PTPRN2: variants seen among roughly 807,000 people sequenced by gnomAD.
The protein encoded by PTPRN2 is protein tyrosine phosphatase receptor type N2, also known as receptor-type tyrosine-protein phosphatase N2.
In PTPRN2, 74 loss-of-function variants were observed where a neutral mutation model predicts 118.8. The observed-to-expected ratio is 0.62, with a 90% CI of 0.52 to 0.76. The LOEUF (loss-of-function observed/expected upper bound fraction) is 0.76. Among genes scored for constraint, PTPRN2 ranks in the 30% least tolerant of loss-of-function variants. The pLI, the probability that PTPRN2 is intolerant of heterozygous loss-of-function variation, is 0.00. For missense variants in PTPRN2, 1,481 were observed against 1,394.4 expected (o/e 1.06, Z -0.99); for synonymous variants, 641 against 608.0 (o/e 1.05, Z -0.80).
intron 3 of PTPRN2, among the ~76,000 whole-genome samples, chr7:158,299,440 G>C (rs1350898979): frequency 2.0e-5 from 3 of 152,008 alleles, no homozygotes; most frequent in Non-Finnish European, 4.4e-5. Context: ...TGGGACTACA[G>C]GTGCATGCCA....
chr7:157,690,579 G>A lies in PTPRN2; in HGVS notation c.1789-7642C>T, dbSNP rs1274146334. On this transcript the variant is annotated intron_variant, in intron 12 of 22. Coordinates refer to ENST00000389418, the MANE Select transcript of PTPRN2 (RefSeq NM_002847.5). This position sits in a 1 kb window ranked among gnomAD's most constrained non-coding sequence, Gnocchi z 7.1. ...GCAGCTGGGCCGGCGCCCAGCGCCCGCGCGGGAGGAGGTGGGGGCGTGCGC... is the reference window on the plus strand; with the variant it reads ...GCAGCTGGGCCGGCGCCCAGCGCCCACGCGGGAGGAGGTGGGGGCGTGCGC... Among the ~76,000 whole-genome samples, 3 of 151,700 alleles carry A rather than the reference G, an allele frequency of 2.0e-5. No individual in the cohort carries two copies. Among genetic ancestry groups the A allele is most frequent in the East Asian group, 2.0e-4 (1 of 5,086 alleles).
intron 11 of PTPRN2, among the ~76,000 whole-genome samples, chr7:158,062,342 G>A (rs977633139): frequency 1.3e-5 from 2 of 152,262 alleles, no homozygotes; most frequent in Non-Finnish European, 2.9e-5. Flanking sequence ...TACAGTCAGT[G>A]CACATGTGTG....
rs1208079961 is a variant in PTPRN2, at chr7:157,787,001, T to G, written c.1789-104064A>C. ...GGAAGCCACTGAGCCTGGGACAGCTTGAGGGGCAGGAGGCGGACACAGGTG... is the reference window on the plus strand; with the variant it reads ...GGAAGCCACTGAGCCTGGGACAGCTGGAGGGGCAGGAGGCGGACACAGGTG... On this transcript the variant is annotated intron_variant, in intron 12 of 22. Coordinates refer to ENST00000389418, the MANE Select transcript of PTPRN2 (RefSeq NM_002847.5). The surrounding 1 kb of genome is among the most constrained non-coding windows in gnomAD (Gnocchi z 5.3). Among the ~76,000 whole-genome samples the G allele has an allele frequency of 6.6e-6, 1 of 151,336 alleles. No homozygotes were observed. Among genetic ancestry groups the G allele is most frequent in the African/African-American group, 2.4e-5 (1 of 41,190 alleles).
At chr7:158,281,409 A>G (rs1029323162) in intron 3 of PTPRN2, among the ~76,000 whole-genome samples, 1 of 152,252 alleles carries the variant, frequency 6.6e-6, no homozygotes, top group Non-Finnish European at 1.5e-5. Context: ...CCAGGAGTGC[A>G]TGCTTTGTGT....
chr7:157,873,413 T>G (rs1811237531), intron 12 of PTPRN2, among the ~76,000 whole-genome samples: 1 of 151,042 alleles, frequency 6.6e-6, no homozygotes, highest in Non-Finnish European at 1.5e-5. Flanking sequence ...CTCCGACGTG[T>G]GCCAAGGACA....
chr7:158,129,160 C>T (rs113964323), intron 9 of PTPRN2, among the ~76,000 whole-genome samples: 42,124 of 149,702 alleles, frequency 0.28, 6,524 homozygotes, highest in Middle Eastern at 0.44. Flanking sequence ...CACTACACAC[C>T]ACACACATAC....
intron 1 of PTPRN2, among the ~76,000 whole-genome samples, chr7:158,520,740 A>G (rs899235645): frequency 2.0e-5 from 3 of 152,224 alleles, no homozygotes; most frequent in Non-Finnish European, 4.4e-5. Context: ...AAACATACGA[A>G]GAACGATCGG....
At chr7:158,149,899 T>C (rs991325436) in intron 6 of PTPRN2, among the ~76,000 whole-genome samples, 1 of 151,400 alleles carries the variant, frequency 6.6e-6, no homozygotes, top group East Asian at 1.9e-4. Flanking sequence ...GAACAAAAAG[T>C]GGCAAGAATA....
intron 6 of PTPRN2, among the ~76,000 whole-genome samples, chr7:158,156,520 TC>T (rs1377260753): frequency 6.6e-6 from 1 of 152,192 alleles, no homozygotes; most frequent in Non-Finnish European, 1.5e-5. Flanking sequence ...TAAGCCGACA[TC>T]TGCAGAAACG....
At position 158,110,725 on chromosome 7, in the gene PTPRN2, CAT is replaced by C; in HGVS notation, c.1643+102_1643+103del. The C allele has an allele frequency of 7.4e-6, 8 of 1,074,636 alleles. 1 individual carries two copies. In the South Asian group the frequency reaches 1.1e-4, roughly 15 times the overall value. 66.6% of individuals were successfully genotyped at this position (1,074,636 alleles called of 1,614,324 possible). Reference sequence around the variant, plus strand: ...TTTCACTTCTCTAAACAGGTTCCCTCATGTAATTAACAAGAGCCATGGGCTCG... The same window carrying C: ...TTTCACTTCTCTAAACAGGTTCCCTCGTAATTAACAAGAGCCATGGGCTCG... On this transcript the variant is annotated intron_variant, in intron 10 of 22. Coordinates refer to ENST00000389418, the MANE Select transcript of PTPRN2 (RefSeq NM_002847.5).
At chr7:158,312,053 G>A (rs1056749209) in intron 3 of PTPRN2, among the ~76,000 whole-genome samples, 3 of 87,534 alleles carry the variant, frequency 3.4e-5, no homozygotes, top group Admixed American at 1.3e-4. Context: ...ATGCACACAC[G>A]TGCTCACATG....
chr7:157,590,112 T>G lies in PTPRN2; in HGVS notation c.2496+5126A>C, dbSNP rs1486108532. On this transcript the variant is annotated intron_variant, in intron 17 of 22. Coordinates refer to ENST00000389418, the MANE Select transcript of PTPRN2 (RefSeq NM_002847.5). The surrounding 1 kb of genome is among the most constrained non-coding windows in gnomAD (Gnocchi z 4.0). ...CCAGCAGAGAGGACGGTGGACATGT[T>G]TCTTCCTAAGATCTTGATATGACTT... is the stretch of plus-strand genomic sequence containing the variant. Among the ~76,000 whole-genome samples the G allele has an allele frequency of 6.6e-6, 1 of 152,252 alleles. No individual in the cohort carries two copies. The highest frequency in any genetic ancestry group is 1.9e-4 in the East Asian group (1 of 5,204).
intron 2 of PTPRN2, among the ~76,000 whole-genome samples, chr7:158,480,438 C>A (rs987348890): frequency 2.0e-5 from 3 of 152,134 alleles, no homozygotes; most frequent in African/African-American, 7.2e-5. Flanking sequence ...CCCTGAGACA[C>A]AACAATATTG....
chr7:157,733,030 C>T (rs375145868), intron 12 of PTPRN2, among the ~76,000 whole-genome samples: 2 of 30,998 alleles, frequency 6.5e-5, no homozygotes, highest in Admixed American at 3.0e-4. Flanking sequence ...TCCCGTCCCA[C>T]GCGCCCAGCA....
At chr7:158,219,997 A>G (rs760062847) in intron 3 of PTPRN2, among the ~76,000 whole-genome samples, 1 of 152,044 alleles carries the variant, frequency 6.6e-6, no homozygotes, top group African/African-American at 2.4e-5. Context: ...AAAAAACCAA[A>G]AAGTAGGAAC....
chr7:158,292,189 A>C (rs958398942), intron 3 of PTPRN2, among the ~76,000 whole-genome samples: 3 of 152,126 alleles, frequency 2.0e-5, no homozygotes, highest in Non-Finnish European at 2.9e-5. Flanking sequence ...GATAGGTCTC[A>C]ATTTCCTCCT....
chr7:158,174,191 T>C (rs1354712433), intron 5 of PTPRN2, among the ~76,000 whole-genome samples: 1 of 152,184 alleles, frequency 6.6e-6, no homozygotes, highest in Non-Finnish European at 1.5e-5. Flanking sequence ...AACTGATAAA[T>C]GTCCATGAAG....
chr7:157,966,382 C>T (rs1348138757), intron 11 of PTPRN2, among the ~76,000 whole-genome samples: 1 of 151,928 alleles, frequency 6.6e-6, no homozygotes, highest in South Asian at 2.1e-4. Context: ...CCATCATTAC[C>T]ATCATCTTCA....
intron 3 of PTPRN2, among the ~76,000 whole-genome samples, chr7:158,258,824 T>A (rs1301758586): frequency 6.6e-6 from 1 of 152,166 alleles, no homozygotes; most frequent in Non-Finnish European, 1.5e-5. Flanking sequence ...GGGGATCTGG[T>A]TTCACAAGGT....
Sources: allele counts gnomAD v4.1 joint callset (sites outside exome capture counted in the v4.1 genomes callset), GRCh38; gene constraint gnomAD v4.1.1; non-coding constraint Gnocchi (gnomAD v3.1); transcripts MANE v1.5; gene names NCBI Gene and HGNC (gene_info 2026-07-23, HGNC 2026-07-21).